AGAP1: variants seen among roughly 807,000 people sequenced by gnomAD.
The protein encoded by AGAP1 is ArfGAP with GTPase domain, ankyrin repeat and PH domain 1.
Under a neutral mutation model 105.3 loss-of-function variants are expected in AGAP1, and 29 were observed. The observed-to-expected ratio is 0.28, with a 90% CI of 0.21 to 0.38. AGAP1 has a LOEUF of 0.38. Among genes scored for constraint, AGAP1 ranks in the 10% least tolerant of loss-of-function variants. The probability of loss-of-function intolerance (pLI) is 1.00; values close to 1 mark genes in which losing one functional copy is unlikely to be tolerated. For synonymous variants in AGAP1, 509 were observed against 485.9 expected, an observed-to-expected ratio of 1.05 and a Z score of -0.63; for missense variants, 998 against 1,165.1, an observed-to-expected ratio of 0.86 and a Z score of 2.09.
chr2:235,760,707 T>A (rs1337028308), intron 6 of AGAP1, among the ~76,000 whole-genome samples: 1 of 152,202 alleles, frequency 6.6e-6, no homozygotes, highest in African/African-American at 2.4e-5. Flanking sequence ...TACCTCAGTC[T>A]CCTGAGTAGC....
chr2:235,868,747 G>C (rs1247554640), intron 9 of AGAP1, among the ~76,000 whole-genome samples: 4 of 152,368 alleles, frequency 2.6e-5, no homozygotes, highest in African/African-American at 9.6e-5. Context: ...CAAACACTGA[G>C]TGATGGGTTT....
Position 235,720,591 on chromosome 2 carries a change from G to A in AGAP1, c.310+2947G>A, listed in dbSNP as rs181501797. 13 of 870,930 alleles carry A rather than the reference G, an allele frequency of 1.5e-5. No individual in the cohort carries two copies. The Admixed American group carries it at 1.9e-4, about 12-fold the overall frequency. 54.0% of individuals were successfully genotyped at this position (870,930 alleles called of 1,614,324 possible). A position where few individuals can be genotyped will look rare whatever the true frequency, so the allele number is the denominator to read the frequency against. ...CCTTTCCTCTTACAACTGCTAGAGCGATCAACTGGGCAGCTACTTTGAATG... is the reference window on the plus strand; with the variant it reads ...CCTTTCCTCTTACAACTGCTAGAGCAATCAACTGGGCAGCTACTTTGAATG... On this transcript the variant is annotated intron_variant, in intron 3 of 17. Coordinates refer to ENST00000304032, the MANE Select transcript of AGAP1 (RefSeq NM_001037131.3). This position sits in a 1 kb window ranked among gnomAD's most constrained non-coding sequence, Gnocchi z 5.0.
rs565520048 is a variant in AGAP1 at position 236,062,486 on chromosome 2, T to C, written c.2114+13205T>C. On this transcript the variant is annotated intron_variant, in intron 16 of 17. Transcript: ENST00000304032. The surrounding 1 kb of genome is among the most constrained non-coding windows in gnomAD (Gnocchi z 4.2). Reference sequence around the variant, plus strand: ...TTACTTTTCATTTATTTTCATGTATTTTTTTTAGAAACAGAATCTCACTCT... The same window carrying C: ...TTACTTTTCATTTATTTTCATGTATCTTTTTTAGAAACAGAATCTCACTCT... Among the ~76,000 whole-genome samples, 2 of 152,018 alleles carry C rather than the reference T, an allele frequency of 1.3e-5. No individual in the cohort carries two copies. Among genetic ancestry groups the C allele is most frequent in the East Asian group, 1.9e-4 (1 of 5,164 alleles).
chr2:235,741,154 G>A lies in AGAP1; in HGVS notation c.396+106G>A. On this transcript the variant is annotated intron_variant, in intron 4 of 17. Coordinates refer to ENST00000304032, the MANE Select transcript of AGAP1 (RefSeq NM_001037131.3). This position sits in a 1 kb window ranked among gnomAD's most constrained non-coding sequence, Gnocchi z 4.9. Reference sequence around the variant, plus strand: ...CGGTGACTTGGTTTCCAAAAAAGTGGAAACCCCATAAAAAATGTTTCCTCT... The same window carrying A: ...CGGTGACTTGGTTTCCAAAAAAGTGAAAACCCCATAAAAAATGTTTCCTCT... 1 of 892,356 alleles carries A rather than the reference G, an allele frequency of 1.1e-6. No individual in the cohort carries two copies. The highest frequency in any genetic ancestry group is 3.1e-5 in the South Asian group (1 of 32,214). 55.3% of individuals were successfully genotyped at this position (892,356 alleles called of 1,614,324 possible). A position where few individuals can be genotyped will look rare whatever the true frequency, so the allele number is the denominator to read the frequency against.
At chr2:235,832,180 T>C (rs1959497404) in intron 9 of AGAP1, among the ~76,000 whole-genome samples, 2 of 152,232 alleles carry the variant, frequency 1.3e-5, no homozygotes, top group South Asian at 4.1e-4. Context: ...TTGTTGATTT[T>C]AAGGGTTCTT....
intron 1 of AGAP1, among the ~76,000 whole-genome samples, chr2:235,519,540 G>C (rs10929138): frequency 0.45 from 68,917 of 151,964 alleles, 16,611 homozygotes; most frequent in Admixed American, 0.56. Flanking sequence ...TCTATATACT[G>C]ATATAACACA....
chr2:235,750,554 G>A lies in AGAP1; in HGVS notation c.673+66G>A. ...AGACGGGAGGCACTTCAAGAAGTCA[G>A]TCCTGCCTGCACTTGTGCATGTGGG... On this transcript the variant is annotated intron_variant, in intron 6 of 17. Transcript: ENST00000304032. The surrounding 1 kb of genome is among the most constrained non-coding windows in gnomAD (Gnocchi z 5.3). 1.2e-6 allele frequency: 2 copies of A among 1,604,880 alleles called. No homozygotes were observed. The highest frequency in any genetic ancestry group is 1.1e-5 in the South Asian group (1 of 90,686).
At chr2:236,079,800 A>G (rs35323643) in intron 16 of AGAP1, among the ~76,000 whole-genome samples, 2,697 of 152,252 alleles carry the variant, frequency 0.018, 84 homozygotes, top group African/African-American at 0.061. Context: ...GGACCCCCCA[A>G]TATGCTAACA....
Position 235,865,117 on chromosome 2 carries a change from C to T in AGAP1, c.1051-18228C>T, listed in dbSNP as rs144463819. ...TGTGTCGGTCACAAAGCATACATTT[C>T]GGGGCAGTTAGCTGAATAATTCTTT... On this transcript the variant is annotated intron_variant, in intron 9 of 17. Coordinates refer to ENST00000304032, the MANE Select transcript of AGAP1 (RefSeq NM_001037131.3). The surrounding 1 kb of genome is among the most constrained non-coding windows in gnomAD (Gnocchi z 6.2). 5.4e-3 allele frequency among the ~76,000 whole-genome samples: 815 copies of T among 152,306 alleles called. No homozygotes were observed. Among genetic ancestry groups the T allele is most frequent in the Non-Finnish European group, 8.3e-3 (568 of 68,026 alleles).
intron 1 of AGAP1, among the ~76,000 whole-genome samples, chr2:235,545,844 C>T (rs1003723816): frequency 4.6e-5 from 7 of 152,226 alleles, no homozygotes; most frequent in Admixed American, 3.3e-4. Flanking sequence ...ACCATCCACA[C>T]ACCTCCGATA....
chr2:235,908,948 C>G lies in AGAP1; in HGVS notation c.1324+42C>G. 1 of 1,579,118 alleles carries G rather than the reference C, an allele frequency of 6.3e-7. No individual in the cohort carries two copies. Among genetic ancestry groups the G allele is most frequent in the Non-Finnish European group, 8.7e-7 (1 of 1,152,902 alleles). ...TGCACTAACAAATCAAGTTCAACAG[C>G]AACAGGTGGTCCAGGCTCGAGGATA... is the stretch of plus-strand genomic sequence containing the variant. On this transcript the variant is annotated intron_variant, in intron 11 of 17. Transcript: ENST00000304032. This position sits in a 1 kb window ranked among gnomAD's most constrained non-coding sequence, Gnocchi z 4.4.
intron 16 of AGAP1, among the ~76,000 whole-genome samples, chr2:236,093,281 A>G (rs1037302182): frequency 1.3e-5 from 2 of 152,176 alleles, no homozygotes; most frequent in Non-Finnish European, 2.9e-5. Flanking sequence ...GAGGAACAAG[A>G]TATTCCACCT....
intron 1 of AGAP1, among the ~76,000 whole-genome samples, chr2:235,570,178 G>C (rs1383941605): frequency 6.6e-6 from 1 of 152,180 alleles, no homozygotes; most frequent in Non-Finnish European, 1.5e-5. Flanking sequence ...CCATGAGAAG[G>C]AGTTGTTACA....
intron 13 of AGAP1, among the ~76,000 whole-genome samples, chr2:236,018,429 G>A (rs765770843): frequency 2.0e-5 from 3 of 152,228 alleles, no homozygotes; most frequent in Admixed American, 6.5e-5. Flanking sequence ...AGGCCTCTTC[G>A]CTGCACCGCA....
intron 12 of AGAP1, among the ~76,000 whole-genome samples, chr2:235,940,735 A>G (rs2053222317): frequency 6.6e-6 from 1 of 152,188 alleles, no homozygotes; most frequent in Non-Finnish European, 1.5e-5. Flanking sequence ...TTTTCCTAGC[A>G]TCTGTCACTA....
intron 2 of AGAP1, among the ~76,000 whole-genome samples, chr2:235,710,848 G>C (rs1950820892): frequency 6.6e-6 from 1 of 152,238 alleles, no homozygotes; most frequent in South Asian, 2.1e-4. Flanking sequence ...AGTCACGGTG[G>C]TTTACTGGTG....
Position 235,529,710 on chromosome 2 carries a change from G to A in AGAP1, c.163+34861G>A, listed in dbSNP as rs549159824. On this transcript the variant is annotated intron_variant, in intron 1 of 17. Coordinates refer to ENST00000304032, the MANE Select transcript of AGAP1 (RefSeq NM_001037131.3). ...GAGGTGCACACATTTGTCTACATGT[G>A]AATCCTCAGCTCTGGACTGTTGGGA... Among the ~76,000 whole-genome samples, 3 of 152,348 alleles carry A rather than the reference G, an allele frequency of 2.0e-5. No homozygotes were observed. In the South Asian group the frequency reaches 6.2e-4, roughly 32 times the overall value.
rs1427260651 is a variant in AGAP1, at chr2:235,555,310, T to G, written c.163+60461T>G. ...TGTGTTCGTTGGTCTCCATTTCTAG[T>G]GTCTGAGTAAAGGCAGTCCCCAGTC... On this transcript the variant is annotated intron_variant, in intron 1 of 17. Coordinates refer to ENST00000304032, the MANE Select transcript of AGAP1 (RefSeq NM_001037131.3). The surrounding 1 kb of genome is among the most constrained non-coding windows in gnomAD (Gnocchi z 5.1). Among the ~76,000 whole-genome samples the G allele has an allele frequency of 6.6e-6, 1 of 152,158 alleles. No homozygotes were observed. Among genetic ancestry groups the G allele is most frequent in the South Asian group, 2.1e-4 (1 of 4,822 alleles).
chr2:236,118,485 G>A (rs1576346763), intron 16 of AGAP1, among the ~76,000 whole-genome samples: 1 of 151,206 alleles, frequency 6.6e-6, no homozygotes, highest in African/African-American at 2.4e-5. Context: ...TGCCTCCCGG[G>A]TTCAAGCCAT....
Sources: gnomAD v4.1 joint callset for allele counts (sites outside exome capture counted in the v4.1 genomes callset) on GRCh38, gnomAD v4.1.1 for gene constraint, Gnocchi (gnomAD v3.1) non-coding constraint, MANE v1.5 for transcripts, NCBI Gene and HGNC (gene_info 2026-07-23, HGNC 2026-07-21) for gene names.